POU6F2: variants seen among roughly 807,000 people sequenced by gnomAD.
POU6F2 encodes POU domain, class 6, transcription factor 2.
A neutral mutation model predicts 71.3 loss-of-function variants in POU6F2; 31 were observed. That is an observed-to-expected ratio of 0.43 (90% CI 0.33 to 0.59). The LOEUF is 0.59. POU6F2 is among the 20% of genes least tolerant of loss of function. The probability of loss-of-function intolerance (pLI) is 0.04; values close to 1 mark genes in which losing one functional copy is unlikely to be tolerated. For synonymous variants in POU6F2, 347 were observed against 355.7 expected (o/e 0.98, Z 0.27); for missense variants, 783 against 856.8 (o/e 0.91, Z 1.07).
At chr7:39,121,983 G>A (rs1230967847) in intron 2 of POU6F2, among the ~76,000 whole-genome samples, 1 of 152,190 alleles carries the variant, frequency 6.6e-6, no homozygotes, top group Non-Finnish European at 1.5e-5. Flanking sequence ...ATAGGCATGA[G>A]CCACCACACC....
intron 7 of POU6F2, among the ~76,000 whole-genome samples, chr7:39,435,465 T>C (rs1788217990): frequency 6.6e-6 from 1 of 152,240 alleles, no homozygotes; most frequent in Non-Finnish European, 1.5e-5. Context: ...CTTCGCCCAC[T>C]TTTTCATGGG....
intron 1 of POU6F2, among the ~76,000 whole-genome samples, chr7:39,047,931 G>T (rs1790323049): frequency 6.6e-6 from 1 of 151,842 alleles, no homozygotes; most frequent in African/African-American, 2.4e-5. Flanking sequence ...TTTTTTAAAA[G>T]AATTTTTGCC....
At chr7:38,995,937 C>A (rs1305832712) in intron 1 of POU6F2, among the ~76,000 whole-genome samples, 1 of 151,618 alleles carries the variant, frequency 6.6e-6, no homozygotes, top group East Asian at 1.9e-4. Context: ...AGTACTTAAA[C>A]TTTCCTTGTG....
chr7:39,013,988 TGA>T (rs1366633725), intron 1 of POU6F2, among the ~76,000 whole-genome samples: 37 of 152,324 alleles, frequency 2.4e-4, no homozygotes, highest in Middle Eastern at 3.4e-3. Context: ...TTCAGAGGAA[TGA>T]GAGAGTCCTC....
intron 4 of POU6F2, among the ~76,000 whole-genome samples, chr7:39,255,372 A>G (rs1242378860): frequency 6.6e-6 from 1 of 152,232 alleles, no homozygotes; most frequent in Non-Finnish European, 1.5e-5. Flanking sequence ...AGATGAGAAT[A>G]TGCTCCACTA....
chr7:39,269,688 C>T (rs1464828294), intron 4 of POU6F2, among the ~76,000 whole-genome samples: 1 of 152,178 alleles, frequency 6.6e-6, no homozygotes. Context: ...CCTCTGCAAG[C>T]ACCCCCTGAG....
intron 7 of POU6F2, among the ~76,000 whole-genome samples, chr7:39,439,057 A>G (rs761788576): frequency 1.4e-4 from 21 of 152,148 alleles, no homozygotes; most frequent in Admixed American, 4.6e-4. Context: ...GGGTACATAT[A>G]TGTTTAGAAT....
At chr7:39,400,052 C>G (rs1445111552) in intron 5 of POU6F2, among the ~76,000 whole-genome samples, 2 of 152,084 alleles carry the variant, frequency 1.3e-5, no homozygotes, top group East Asian at 3.9e-4. Flanking sequence ...AATCATTGGC[C>G]ACTGGTGATT....
chr7:39,079,297 T>C (rs1244460364), intron 1 of POU6F2, among the ~76,000 whole-genome samples: 2 of 148,308 alleles, frequency 1.3e-5, no homozygotes, highest in Non-Finnish European at 3.0e-5. Flanking sequence ...CAAGCGATTC[T>C]CCTGCCTTAG....
At chr7:39,149,331 C>T (rs942932549) in intron 2 of POU6F2, among the ~76,000 whole-genome samples, 1 of 152,198 alleles carries the variant, frequency 6.6e-6, no homozygotes, top group Admixed American at 6.5e-5. Flanking sequence ...GGCAAAATCT[C>T]ATCAGAATAC....
intron 6 of POU6F2, among the ~76,000 whole-genome samples, chr7:39,414,073 C>T (rs1227435349): frequency 6.6e-6 from 1 of 152,026 alleles, no homozygotes; most frequent in Non-Finnish European, 1.5e-5. Flanking sequence ...CCCAGCAACC[C>T]CTTTAACTTT....
intron 9 of POU6F2, among the ~76,000 whole-genome samples, chr7:39,462,250 A>C (rs1788967345): frequency 6.6e-6 from 1 of 152,200 alleles, no homozygotes; most frequent in Non-Finnish European, 1.5e-5. Context: ...TTCTAGTATA[A>C]TAGAACATGT....
At chr7:39,406,466 C>A in intron 5 of POU6F2, 134 bp from the exon 6 acceptor site, 1 of 995,552 alleles carries the variant, frequency 1.0e-6, no homozygotes, top group Non-Finnish European at 1.5e-6. Flanking sequence ...GTTCGCCACG[C>A]CCCTCCGGTG....
At chr7:39,205,764 C>T (rs541367856) in intron 3 of POU6F2, among the ~76,000 whole-genome samples, 4 of 152,308 alleles carry the variant, frequency 2.6e-5, no homozygotes, top group Non-Finnish European at 4.4e-5. Flanking sequence ...TCTAAAGCAG[C>T]AGTTCTAAAC....
At chr7:39,033,831 C>T (rs1017989786) in intron 1 of POU6F2, among the ~76,000 whole-genome samples, 1 of 152,184 alleles carries the variant, frequency 6.6e-6, no homozygotes, top group Non-Finnish European at 1.5e-5. Context: ...TATTTTTCCG[C>T]GCTAGTGGAT....
chr7:39,033,840 A>T (rs899566556), intron 1 of POU6F2, among the ~76,000 whole-genome samples: 14 of 152,188 alleles, frequency 9.2e-5, no homozygotes, highest in Non-Finnish European at 2.1e-4. Context: ...GCGCTAGTGG[A>T]TGTATTCAGG....
intron 1 of POU6F2, among the ~76,000 whole-genome samples, chr7:39,018,599 C>A (rs1789612151): frequency 6.6e-6 from 1 of 151,850 alleles, no homozygotes; most frequent in African/African-American, 2.4e-5. Flanking sequence ...ATGTCTTGCT[C>A]CAGTGGAATC....
intron 4 of POU6F2, among the ~76,000 whole-genome samples, chr7:39,273,518 T>A (rs1309115584): frequency 1.3e-5 from 2 of 152,116 alleles, no homozygotes; most frequent in African/African-American, 2.4e-5. Context: ...AATTTTAAGG[T>A]CATGAAAAAC....
chr7:39,092,478 A>C (rs1791378335), intron 2 of POU6F2, among the ~76,000 whole-genome samples: 1 of 152,118 alleles, frequency 6.6e-6, no homozygotes, highest in African/African-American at 2.4e-5. Context: ...AATTTGTTTT[A>C]ATTTTTTATA....
Sources: gnomAD v4.1 joint callset for allele counts (sites outside exome capture counted in the v4.1 genomes callset) on GRCh38, gnomAD v4.1.1 for gene constraint, MANE v1.5 for transcripts, NCBI Gene and HGNC (gene_info 2026-07-23, HGNC 2026-07-21) for gene names.